The following PLCB4 variants were observed in gnomAD, a reference collection of about 807,000 sequenced individuals.
PLCB4 encodes the protein 1-phosphatidylinositol 4,5-bisphosphate phosphodiesterase beta-4.
PLCB4 carries 77 observed loss-of-function variants against 178.8 expected under a neutral mutation model. The ratio of observed to expected loss-of-function variants is 0.43; its 90% confidence interval spans 0.36 to 0.52. The LOEUF (loss-of-function observed/expected upper bound fraction) is 0.52, where lower values mean the gene tolerates loss of function less well. PLCB4 is among the 20% of genes least tolerant of loss of function. The probability of loss-of-function intolerance (pLI) is 0.00; values close to 1 mark genes in which losing one functional copy is unlikely to be tolerated. For synonymous variants in PLCB4, 496 were observed against 490.8 expected (o/e 1.01, Z -0.14); for missense variants, 1,024 against 1,453.4 (o/e 0.70, Z 4.80).
intron 3 of PLCB4, 90 bp from the exon 4 acceptor site, chr20:9,307,710 C>CAGAA: frequency 1.8e-6 from 1 of 544,250 alleles, no homozygotes; most frequent in Non-Finnish European, 3.2e-6. Flanking sequence ...TAAAGTAAAT[C>CAGAA]TTCTGCAAAC....
chr20:9,194,175 T>C (rs1215612370), intron 2 of PLCB4, among the ~76,000 whole-genome samples: 1 of 152,206 alleles, frequency 6.6e-6, no homozygotes, highest in Non-Finnish European at 1.5e-5. Context: ...AAAAAAATGA[T>C]TCCCACTTCT....
intron 3 of PLCB4, among the ~76,000 whole-genome samples, chr20:9,276,533 C>T (rs2094451995): frequency 6.6e-6 from 1 of 152,026 alleles, no homozygotes; most frequent in African/African-American, 2.4e-5. Flanking sequence ...TTTATTCTTT[C>T]AGGCTTTGTG....
At chr20:9,140,842 G>T (rs751585576) in intron 2 of PLCB4, among the ~76,000 whole-genome samples, 1 of 151,986 alleles carries the variant, frequency 6.6e-6, no homozygotes, top group Non-Finnish European at 1.5e-5. Context: ...TCTGTCTCAG[G>T]TTTTCCTTTA....
intron 2 of PLCB4, among the ~76,000 whole-genome samples, chr20:9,175,389 T>C (rs570252818): frequency 1.3e-5 from 2 of 152,248 alleles, no homozygotes; most frequent in South Asian, 4.1e-4. Flanking sequence ...TCTCCAAATA[T>C]TTTCAGTTCC....
intron 3 of PLCB4, among the ~76,000 whole-genome samples, chr20:9,245,553 A>G (rs1055387588): frequency 2.0e-5 from 3 of 152,156 alleles, no homozygotes; most frequent in Non-Finnish European, 2.9e-5. Context: ...AGAGGGTGAT[A>G]TTAAGATGGA....
chr20:9,313,877 C>T (rs1221553958), intron 4 of PLCB4, among the ~76,000 whole-genome samples: 2 of 152,156 alleles, frequency 1.3e-5, no homozygotes, highest in Non-Finnish European at 2.9e-5. Context: ...CTTCCACTTG[C>T]ATATTGTGAT....
intron 1 of PLCB4, among the ~76,000 whole-genome samples, chr20:9,073,486 C>T (rs1389141517): frequency 6.6e-6 from 1 of 152,108 alleles, no homozygotes; most frequent in African/African-American, 2.4e-5. Context: ...AAGAGAAACA[C>T]ATGTATTACT....
chr20:9,348,513 G>A (rs2034031111), intron 7 of PLCB4, among the ~76,000 whole-genome samples: 1 of 151,988 alleles, frequency 6.6e-6, no homozygotes, highest in Non-Finnish European at 1.5e-5. Flanking sequence ...CCTGCTATGG[G>A]TGATGCAATA....
intron 2 of PLCB4, among the ~76,000 whole-genome samples, chr20:9,110,902 A>G (rs556199213): frequency 6.6e-6 from 1 of 152,166 alleles, no homozygotes; most frequent in South Asian, 2.1e-4. Context: ...ACAACCCACA[A>G]ATCACCACTT....
At chr20:9,186,448 T>C (rs1191264866) in intron 2 of PLCB4, among the ~76,000 whole-genome samples, 7 of 152,304 alleles carry the variant, frequency 4.6e-5, no homozygotes, top group African/African-American at 1.2e-4. Flanking sequence ...CTTTAACATC[T>C]ATGGAAAAAT....
At chr20:9,411,597 A>C (rs1008590132) in intron 25 of PLCB4, among the ~76,000 whole-genome samples, 43 of 152,156 alleles carry the variant, frequency 2.8e-4, no homozygotes, top group African/African-American at 9.9e-4. Context: ...TGCTGTGAAT[A>C]TTGTCCTAGT....
chr20:9,198,706 T>C (rs1312672093), intron 2 of PLCB4, among the ~76,000 whole-genome samples: 1 of 152,192 alleles, frequency 6.6e-6, no homozygotes, highest in East Asian at 1.9e-4. Flanking sequence ...GTCATATTAA[T>C]AGGATATTTT....
chr20:9,250,284 T>C (rs929599184), intron 3 of PLCB4, among the ~76,000 whole-genome samples: 1 of 152,238 alleles, frequency 6.6e-6, no homozygotes, highest in Non-Finnish European at 1.5e-5. Flanking sequence ...GAGAGACCTA[T>C]TGGGTAGCCA....
At chr20:9,192,538 T>C (rs968998774) in intron 2 of PLCB4, among the ~76,000 whole-genome samples, 1 of 150,084 alleles carries the variant, frequency 6.7e-6, no homozygotes, top group Admixed American at 6.6e-5. Context: ...CTTTTTTTTT[T>C]TTTTTGAGAT....
intron 4 of PLCB4, among the ~76,000 whole-genome samples, chr20:9,333,762 G>T (rs1215843513): frequency 6.6e-6 from 1 of 152,086 alleles, no homozygotes; most frequent in Non-Finnish European, 1.5e-5. Flanking sequence ...AGTAAAGTGG[G>T]TGTGTATTCG....
chr20:9,200,809 G>A (rs958308598), intron 2 of PLCB4, among the ~76,000 whole-genome samples: 7 of 152,060 alleles, frequency 4.6e-5, no homozygotes, highest in African/African-American at 1.7e-4. Flanking sequence ...CACTTCATGA[G>A]TGACACCCTT....
intron 34 of PLCB4, among the ~76,000 whole-genome samples, chr20:9,459,279 G>A (rs1158453788): frequency 1.3e-5 from 2 of 152,190 alleles, no homozygotes; most frequent in African/African-American, 4.8e-5. Context: ...AGGAGGTGGA[G>A]GTTGCAGTGA....
intron 1 of PLCB4, among the ~76,000 whole-genome samples, chr20:9,070,392 T>C (rs1025408279): frequency 2.6e-5 from 4 of 152,332 alleles, no homozygotes; most frequent in African/African-American, 9.6e-5. Context: ...GTGGTTGAAC[T>C]GAGACCCTCA....
intron 4 of PLCB4, among the ~76,000 whole-genome samples, chr20:9,331,934 G>A (rs1568600737): frequency 6.6e-6 from 1 of 152,266 alleles, no homozygotes; most frequent in East Asian, 1.9e-4. Context: ...TCTGGCCTCT[G>A]CTTAAGTAGT....
Sources: allele counts gnomAD v4.1 joint callset (sites outside exome capture counted in the v4.1 genomes callset), GRCh38; gene constraint gnomAD v4.1.1; transcripts MANE v1.5; gene names NCBI Gene and HGNC (gene_info 2026-07-23, HGNC 2026-07-21).